Variants in EBF1 observed in about 807,000 individuals in gnomAD.
EBF1 encodes the protein transcription factor COE1.
Under a neutral mutation model 68.4 loss-of-function variants are expected in EBF1, and 10 were observed. The ratio of observed to expected loss-of-function variants is 0.15; its 90% CI spans 0.09 to 0.25. The LOEUF is 0.25. EBF1 is among the 10% of genes least tolerant of loss of function. EBF1 has a pLI of 1.00. For missense variants in EBF1, 509 were observed against 794.4 expected, an observed-to-expected ratio of 0.64 and a Z score of 4.32; for synonymous variants, 298 against 299.8, an observed-to-expected ratio of 0.99 and a Z score of 0.06.
intron 6 of EBF1, among the ~76,000 whole-genome samples, chr5:159,032,320 G>A (rs1319116305): frequency 6.6e-6 from 1 of 152,150 alleles, no homozygotes; most frequent in Non-Finnish European, 1.5e-5. Flanking sequence ...AGGTACAAGT[G>A]GTAGCCAGGA....
intron 6 of EBF1, among the ~76,000 whole-genome samples, chr5:158,915,220 G>A (rs949796711): frequency 1.3e-5 from 2 of 152,166 alleles, no homozygotes; most frequent in Admixed American, 6.5e-5. Flanking sequence ...CTCGGAGGGC[G>A]ATGGGCAGCC....
chr5:158,949,586 C>G (rs1186166896), intron 6 of EBF1, among the ~76,000 whole-genome samples: 1 of 152,202 alleles, frequency 6.6e-6, no homozygotes, highest in Non-Finnish European at 1.5e-5. Flanking sequence ...GAGGCCACTT[C>G]AACAAGTAAG....
intron 6 of EBF1, among the ~76,000 whole-genome samples, chr5:158,881,977 C>T (rs1311291496): frequency 1.3e-5 from 2 of 152,198 alleles, no homozygotes; most frequent in African/African-American, 4.8e-5. Context: ...CTTAAAAATA[C>T]ATGTGACGAA....
intron 10 of EBF1, among the ~76,000 whole-genome samples, chr5:158,751,528 C>T (rs1005456220): frequency 5.3e-5 from 8 of 152,032 alleles, no homozygotes; most frequent in African/African-American, 1.9e-4. Context: ...TACCAAAGTA[C>T]TGAGGAAAGA....
At chr5:158,936,059 CA>C (rs1369351518) in intron 6 of EBF1, among the ~76,000 whole-genome samples, 3 of 152,162 alleles carry the variant, frequency 2.0e-5, no homozygotes, top group African/African-American at 4.8e-5. Flanking sequence ...ATCCTCTTTC[CA>C]AAGCAACCAA....
intron 6 of EBF1, among the ~76,000 whole-genome samples, chr5:159,054,608 A>G (rs1334990957): frequency 2.0e-5 from 3 of 152,258 alleles, no homozygotes; most frequent in Non-Finnish European, 4.4e-5. Context: ...TCATAGCTTC[A>G]TTCCAAAGAT....
intron 6 of EBF1, among the ~76,000 whole-genome samples, chr5:159,014,350 G>A (rs901853171): frequency 2.6e-4 from 40 of 152,120 alleles, no homozygotes; most frequent in African/African-American, 8.9e-4. Flanking sequence ...ACAGAAATAC[G>A]GAAGGCTTTG....
intron 6 of EBF1, among the ~76,000 whole-genome samples, chr5:158,940,468 A>G (rs990606663): frequency 1.3e-5 from 2 of 152,198 alleles, no homozygotes; most frequent in African/African-American, 4.8e-5. Context: ...GATGGGAAGG[A>G]TCAGTAAACA....
At chr5:158,966,275 T>C (rs1260350322) in intron 6 of EBF1, among the ~76,000 whole-genome samples, 1 of 152,178 alleles carries the variant, frequency 6.6e-6, no homozygotes, top group Non-Finnish European at 1.5e-5. Context: ...GTAACAGCGG[T>C]TTTAAAATAA....
intron 6 of EBF1, among the ~76,000 whole-genome samples, chr5:159,009,512 C>T (rs556580558): frequency 6.6e-6 from 1 of 152,230 alleles, no homozygotes; most frequent in African/African-American, 2.4e-5. Flanking sequence ...TCTCCTTAAA[C>T]TTTAGAGTGA....
chr5:158,928,004 A>G (rs527813600), intron 6 of EBF1, among the ~76,000 whole-genome samples: 6 of 152,286 alleles, frequency 3.9e-5, no homozygotes, highest in African/African-American at 1.4e-4. Flanking sequence ...CCACTCTATA[A>G]TGTTCTAAAA....
chr5:158,699,021 G>T lies in EBF1; in HGVS notation c.*90C>A. On this transcript the variant is annotated 3_prime_UTR_variant, in exon 16 of 16. Coordinates refer to ENST00000313708, the MANE Select transcript of EBF1 (RefSeq NM_024007.5). ...TGTGATTCCTCTTAAAAAGGCCTGA[G>T]TTAAAAGTTCCACTCTGGGACTTGT... The T allele has an allele frequency of 2.4e-6, 3 of 1,275,896 alleles. No homozygotes were observed. Among genetic ancestry groups the T allele is most frequent in the Non-Finnish European group, 3.2e-6 (3 of 931,204 alleles). 79.0% of individuals were successfully genotyped at this position (1,275,896 alleles called of 1,614,324 possible). A position where few individuals can be genotyped will look rare whatever the true frequency, so the allele number is the denominator to read the frequency against.
chr5:159,011,836 A>T (rs1303391779), intron 6 of EBF1, among the ~76,000 whole-genome samples: 2 of 152,254 alleles, frequency 1.3e-5, no homozygotes, highest in African/African-American at 4.8e-5. Flanking sequence ...GCTAAGAAAA[A>T]ATATAATGAA....
chr5:158,820,017 C>T (rs1016421660), intron 8 of EBF1, among the ~76,000 whole-genome samples: 1 of 151,928 alleles, frequency 6.6e-6, no homozygotes, highest in African/African-American at 2.4e-5. Flanking sequence ...ATAAGAAAGC[C>T]CATGCATGAA....
intron 6 of EBF1, among the ~76,000 whole-genome samples, chr5:158,864,948 C>A (rs554265242): frequency 6.6e-6 from 1 of 152,312 alleles, no homozygotes; most frequent in South Asian, 2.1e-4. Context: ...AGCTGGACAG[C>A]TCTGCCAGGA....
intron 6 of EBF1, among the ~76,000 whole-genome samples, chr5:158,951,350 G>A (rs918278604): frequency 5.3e-5 from 8 of 152,198 alleles, no homozygotes; most frequent in African/African-American, 1.9e-4. Context: ...GCAAAAGAGG[G>A]AACTTGGCGT....
chr5:159,060,722 A>G (rs1775626329), intron 6 of EBF1, among the ~76,000 whole-genome samples: 1 of 152,178 alleles, frequency 6.6e-6, no homozygotes, highest in African/African-American at 2.4e-5. Context: ...AGCAAAATAT[A>G]TATGGTATAT....
intron 15 of EBF1, among the ~76,000 whole-genome samples, chr5:158,706,735 A>T (rs1358274429): frequency 6.6e-6 from 1 of 152,216 alleles, no homozygotes; most frequent in African/African-American, 2.4e-5. Context: ...TTAAGGGCAC[A>T]GACTCTGATG....
chr5:158,789,386 C>T (rs918381680), intron 9 of EBF1, among the ~76,000 whole-genome samples: 3 of 151,982 alleles, frequency 2.0e-5, no homozygotes, highest in Non-Finnish European at 2.9e-5. Flanking sequence ...TGTCTTTCTC[C>T]GTCTTAATTT....
Sources: allele counts gnomAD v4.1 joint callset (sites outside exome capture counted in the v4.1 genomes callset), GRCh38; gene constraint gnomAD v4.1.1; transcripts MANE v1.5; gene names NCBI Gene and HGNC (gene_info 2026-07-23, HGNC 2026-07-21).